Variants in IL1RAPL1 observed in about 807,000 individuals in gnomAD.
The protein encoded by IL1RAPL1 is interleukin-1 receptor accessory protein-like 1.
A neutral mutation model predicts 48.4 loss-of-function variants in IL1RAPL1; 3 were observed. That is an observed-to-expected ratio of 0.06 (90% CI 0.03 to 0.16). The LOEUF (loss-of-function observed/expected upper bound fraction) is 0.16, where lower values mean the gene tolerates loss of function less well. Ranked by LOEUF, IL1RAPL1 falls within the 10% of genes least tolerant of loss-of-function variation. IL1RAPL1 has a pLI of 1.00. For synonymous variants in IL1RAPL1, 185 were observed against 187.7 expected (o/e 0.99, Z 0.12); for missense variants, 349 against 530.6 (o/e 0.66, Z 3.36).
intron 2 of IL1RAPL1, among the ~76,000 whole-genome samples, chrX:29,147,855 A>G (rs1327621955): frequency 4.5e-5 from 5 of 112,274 alleles, no homozygotes; most frequent in Admixed American, 9.5e-5. Context: ...GTGTGTGATC[A>G]TTGTCTATAG....
chrX:29,192,668 C>A (rs756597102), intron 2 of IL1RAPL1, among the ~76,000 whole-genome samples: 5 of 111,872 alleles, frequency 4.5e-5, no homozygotes, highest in Non-Finnish European at 9.4e-5. Flanking sequence ...TTTATGATAT[C>A]TTCCAAATAA....
intron 1 of IL1RAPL1, among the ~76,000 whole-genome samples, chrX:28,593,823 TTAA>T (rs1402480367): frequency 9.0e-6 from 1 of 111,395 alleles, no homozygotes; most frequent in African/African-American, 3.3e-5. Flanking sequence ...ATGTTTTAGA[TTAA>T]TATGTATGAC....
At chrX:29,553,771 T>G (rs1429778963) in intron 5 of IL1RAPL1, among the ~76,000 whole-genome samples, 1 of 111,067 alleles carries the variant, frequency 9.0e-6, no homozygotes, top group Non-Finnish European at 1.9e-5. Context: ...CTCTTCACTG[T>G]GAGAACAGGA....
chrX:29,439,686 A>G (rs1196868567), intron 5 of IL1RAPL1, among the ~76,000 whole-genome samples: 11 of 110,873 alleles, frequency 9.9e-5, no homozygotes, highest in Non-Finnish European at 3.8e-5. Context: ...ATTGAAAACT[A>G]TAAAGAATGT....
At chrX:28,847,869 C>T (rs773804754) in intron 2 of IL1RAPL1, among the ~76,000 whole-genome samples, 2 of 111,902 alleles carry the variant, frequency 1.8e-5, no homozygotes, top group African/African-American at 6.5e-5. Flanking sequence ...GTCTGTCTCC[C>T]TTCACTTCAG....
intron 5 of IL1RAPL1, among the ~76,000 whole-genome samples, chrX:29,518,164 T>G (rs1436840106): frequency 9.0e-6 from 1 of 111,716 alleles, no homozygotes; most frequent in African/African-American, 3.3e-5. Context: ...GAGGCAAAAA[T>G]CATGATTTTG....
At chrX:29,457,928 AT>A (rs773733139) in intron 5 of IL1RAPL1, among the ~76,000 whole-genome samples, 18 of 111,746 alleles carry the variant, frequency 1.6e-4, no homozygotes, top group East Asian at 2.8e-4. Flanking sequence ...TTTGATTTGC[AT>A]TTATCTGACA....
At chrX:29,851,204 G>A (rs1212848254) in intron 6 of IL1RAPL1, among the ~76,000 whole-genome samples, 1 of 111,621 alleles carries the variant, frequency 9.0e-6, no homozygotes, top group Non-Finnish European at 1.9e-5. Context: ...CTCTCTGGTT[G>A]TATTTTTAAA....
At chrX:29,727,525 C>CTTTGCT (rs1256088405) in intron 6 of IL1RAPL1, among the ~76,000 whole-genome samples, 1 of 112,151 alleles carries the variant, frequency 8.9e-6, no homozygotes, top group Non-Finnish European at 1.9e-5. Context: ...TGGGATACTA[C>CTTTGCT]TTTGCTTTGG....
At chrX:28,996,109 C>T (rs1047797720) in intron 2 of IL1RAPL1, among the ~76,000 whole-genome samples, 6 of 111,216 alleles carry the variant, frequency 5.4e-5, no homozygotes, top group African/African-American at 2.0e-4. Flanking sequence ...CATTTTCCTC[C>T]AAATACAACC....
intron 6 of IL1RAPL1, among the ~76,000 whole-genome samples, chrX:29,760,900 T>C (rs1056599917): frequency 4.5e-5 from 5 of 112,271 alleles, no homozygotes; most frequent in African/African-American, 1.6e-4. Context: ...GTACCTATTA[T>C]GTGCCAGGTA....
At chrX:28,951,554 G>A (rs1287308721) in intron 2 of IL1RAPL1, among the ~76,000 whole-genome samples, 1 of 110,483 alleles carries the variant, frequency 9.1e-6, no homozygotes, top group Non-Finnish European at 1.9e-5. Flanking sequence ...TAAAAATATA[G>A]TACACATTTA....
rs189377313 is a variant in IL1RAPL1 at position 29,192,801 on chromosome X, G to A, written c.83-90137G>A. 1.4e-3 allele frequency among the ~76,000 whole-genome samples: 155 copies of A among 111,225 alleles called. 1 individual carries two copies. Among genetic ancestry groups the A allele is most frequent in the Middle Eastern group, 5.1e-3 (1 of 198 alleles). The stretch of plus-strand genomic sequence containing the variant: ...TCATAAAAACTATTGGATATGTGGC[G>A]TGTGTGAATATATTATGGTTATGTT... On this transcript the variant is annotated intron_variant, in intron 2 of 10. Coordinates refer to ENST00000378993, the MANE Select transcript of IL1RAPL1 (RefSeq NM_014271.4).
intron 5 of IL1RAPL1, among the ~76,000 whole-genome samples, chrX:29,621,514 A>T (rs1924461630): frequency 9.0e-6 from 1 of 111,265 alleles, no homozygotes; most frequent in Admixed American, 9.6e-5. Context: ...TCAATAAAAT[A>T]TTGAAAATTA....
At chrX:29,816,778 C>A (rs753838950) in intron 6 of IL1RAPL1, among the ~76,000 whole-genome samples, 19 of 110,644 alleles carry the variant, frequency 1.7e-4, no homozygotes, top group African/African-American at 5.9e-4. Context: ...CTTCCTCCCC[C>A]CCCACTGAAA....
chrX:29,540,270 A>G (rs897818195), intron 5 of IL1RAPL1, among the ~76,000 whole-genome samples: 1 of 111,102 alleles, frequency 9.0e-6, no homozygotes, highest in Non-Finnish European at 1.9e-5. Context: ...GCAAAAAAAA[A>G]AAATCATAGA....
At chrX:29,767,738 A>G (rs1928950927) in intron 6 of IL1RAPL1, among the ~76,000 whole-genome samples, 1 of 112,104 alleles carries the variant, frequency 8.9e-6, no homozygotes, top group South Asian at 3.7e-4. Context: ...ATGATGGCTC[A>G]TAAATATGCA....
At chrX:28,900,566 C>G (rs777557150) in intron 2 of IL1RAPL1, among the ~76,000 whole-genome samples, 1 of 111,856 alleles carries the variant, frequency 8.9e-6, no homozygotes, top group South Asian at 3.7e-4. Flanking sequence ...ATCATGTTTA[C>G]ATAGAATAAC....
chrX:29,794,846 T>G (rs1314071205), intron 6 of IL1RAPL1, among the ~76,000 whole-genome samples: 4 of 112,148 alleles, frequency 3.6e-5, no homozygotes, highest in Non-Finnish European at 7.5e-5. Context: ...ATATAGCAAC[T>G]GAACATTTTG....
Sources: gnomAD v4.1 joint callset for allele counts (sites outside exome capture counted in the v4.1 genomes callset) on GRCh38, gnomAD v4.1.1 for gene constraint, MANE v1.5 for transcripts, NCBI Gene and HGNC (gene_info 2026-07-23, HGNC 2026-07-21) for gene names.